ANAPC2: variants seen among roughly 807,000 people sequenced by gnomAD.
ANAPC2 encodes anaphase promoting complex subunit 2.
In ANAPC2, 29 loss-of-function variants were observed where a neutral mutation model predicts 84.3. The observed-to-expected ratio is 0.34, with a 90% CI of 0.26 to 0.47. The LOEUF (loss-of-function observed/expected upper bound fraction) is 0.47. Ranked by LOEUF, ANAPC2 falls within the 20% of genes least tolerant of loss-of-function variation. The pLI is 1.00. For missense variants in ANAPC2, 857 were observed against 1,131.7 expected, an observed-to-expected ratio of 0.76 and a Z score of 3.48; for synonymous variants, 571 against 479.4, an observed-to-expected ratio of 1.19 and a Z score of -2.50.
rs1242626513 is a variant in ANAPC2, at chr9:137,187,692, A to G, written c.529T>C (p.Tyr177His). 6.2e-7 allele frequency: 1 copy of G among 1,613,868 alleles called. No homozygotes were observed. Among genetic ancestry groups the G allele is most frequent in the Non-Finnish European group, 8.5e-7 (1 of 1,180,022 alleles). The change falls in exon 2 of 13, where the codon TAT becomes CAT. Residue 177 changes from tyrosine (Y) to histidine (H), a missense_variant. Coordinates refer to ENST00000323927, the MANE Select transcript of ANAPC2 (RefSeq NM_013366.4). The stretch of plus-strand genomic sequence containing the variant: ...ATATAGACTCTCAAGAAGCACCCAT[A>G]CAGACGCTGGATCATCTCTTGGAAG... ...RTFQEMIQRLYGCFLRVYMQS... is the reference protein window; with the variant it reads ...RTFQEMIQRLHGCFLRVYMQS...
chr9:137,175,376 C>G lies in ANAPC2; in HGVS notation c.2117G>C (p.Arg706Pro). 3 of 1,610,874 alleles carry G rather than the reference C, an allele frequency of 1.9e-6. No homozygotes were observed. Among genetic ancestry groups the G allele is most frequent in the Non-Finnish European group, 1.7e-6 (2 of 1,179,274 alleles). The part of the protein sequence containing the change: ...MSVWLQQGVL[R>P]EEPPGTFSVI... ...AGAGAAGGTGCCGGGGGGCTCCTCA[C>G]GCAGCACACCCTGCTGCAGCCACAC... The change falls in exon 12 of 13, where the codon CGT becomes CCT. Residue 706 changes from arginine (R) to proline (P), a missense_variant. By Grantham distance (103) the Arg-to-Pro change is moderately radical (BLOSUM62 -2). Around this residue, in one of 3 missense-constraint regions of ANAPC2, gnomAD observed 425 missense variants for 595.5 expected, o/e 0.71. Transcript: ENST00000323927.
At chr9:137,176,024 G>C (rs1402901731) in intron 10 of ANAPC2, 187 bp from the exon 11 acceptor site, 1 of 634,550 alleles carries the variant, frequency 1.6e-6, no homozygotes, top group Non-Finnish European at 2.5e-6. Flanking sequence ...CCATGGAAGG[G>C]CAATGGGGCC....
chr9:137,179,578 T>G (rs1834296405), intron 10 of ANAPC2, among the ~76,000 whole-genome samples: 1 of 152,144 alleles, frequency 6.6e-6, no homozygotes, highest in Non-Finnish European at 1.5e-5. Context: ...GCCAGTGACC[T>G]CCAGGCCAGG....
chr9:137,185,761 G>C (rs1369275538), intron 3 of ANAPC2, among the ~76,000 whole-genome samples: 1 of 152,182 alleles, frequency 6.6e-6, no homozygotes, highest in African/African-American at 2.4e-5. Flanking sequence ...CAGAGCCCCA[G>C]ACCACACCCC....
At chr9:137,180,729 G>T in intron 8 of ANAPC2, 59 bp downstream of exon 8, 1 of 1,588,908 alleles carries the variant, frequency 6.3e-7, no homozygotes, top group Non-Finnish European at 8.6e-7. Flanking sequence ...CCTGTCCCGA[G>T]AGAGGCTGGG....
rs973057418 is a variant in ANAPC2, at chr9:137,188,157, G to A, written c.118-54C>T. On this transcript the variant is annotated intron_variant, in intron 1 of 12. Coordinates refer to ENST00000323927, the MANE Select transcript of ANAPC2 (RefSeq NM_013366.4). ...GGAACACAACATAGAGGTGGGGAGA[G>A]GCGGGGAAGGGAAGAAGCTGAGGGG... 11 of 1,566,392 alleles carry A rather than the reference G, an allele frequency of 7.0e-6. No homozygotes were observed. The African/African-American group carries it at 1.1e-4, about 15-fold the overall frequency.
rs1834498592 is a variant in ANAPC2, at chr9:137,187,395, A to G, written c.740+86T>C. 4.0e-6 allele frequency: 6 copies of G among 1,508,118 alleles called. No homozygotes were observed. In the South Asian group the frequency reaches 6.4e-5, roughly 16 times the overall value. The allele number at this position is 1,508,118 out of a possible 1,614,324, so 93.4% of individuals were successfully genotyped here. On this transcript the variant is annotated intron_variant, in intron 2 of 12. Coordinates refer to ENST00000323927, the MANE Select transcript of ANAPC2 (RefSeq NM_013366.4). ...TTCCTGGTTATCAGGACGGCTCACC[A>G]GCTTTCTGCTGAGGCCAGCTGGACC... is the stretch of plus-strand genomic sequence containing the variant.
Position 137,174,987 on chromosome 9 carries a change from G to T in ANAPC2, c.2424C>A (p.Leu808=). ...YLQKKVRDQQ[L]VYSAGVYRLP... ...GGCGGTAGACGCCGGCCGAGTAGAC[G>T]AGCTGCTGGTCCCGCACCTTCTTCT... is the stretch of plus-strand genomic sequence containing the variant. Residue 808 remains leucine (L), a synonymous_variant, in exon 13 of 13, where the codon CTC becomes CTA. Transcript: ENST00000323927. This position sits in a 1 kb window ranked among gnomAD's most constrained non-coding sequence, Gnocchi z 6.1. The T allele has an allele frequency of 1.2e-6, 2 of 1,600,830 alleles. No homozygotes were observed. Among genetic ancestry groups the T allele is most frequent in the East Asian group, 2.3e-5 (1 of 44,366 alleles).
At chr9:137,180,127 G>T in intron 10 of ANAPC2, 54 bp downstream of exon 10, 3 of 1,568,424 alleles carry the variant, frequency 1.9e-6, no homozygotes, top group Admixed American at 3.5e-5. Context: ...TGGGAGCCCC[G>T]CAGTGCAGGG....
intron 10 of ANAPC2, chr9:137,176,074 C>T (rs1834203410): frequency 2.1e-6 from 1 of 465,438 alleles, no homozygotes. Flanking sequence ...ACAGGGGCCT[C>T]CTGACCCCCA....
intron 6 of ANAPC2, 44 bp from the exon 7 acceptor site, chr9:137,181,906 G>A (rs28369482): frequency 0.24 from 367,646 of 1,561,074 alleles, 46,222 homozygotes; most frequent in South Asian, 0.33. Context: ...TGGACACCCC[G>A]CGCGCACCTC....
rs942519650 is a variant in ANAPC2 at position 137,179,017 on chromosome 9, A to C, written c.1890+1164T>G. The stretch of plus-strand genomic sequence containing the variant: ...GAAAAAGGAAAACACATCTAGGTCC[A>C]GCCTCCTTCACAGCAGACCTGGAGA... On this transcript the variant is annotated intron_variant, in intron 10 of 12. Transcript: ENST00000323927. 7.2e-5 allele frequency among the ~76,000 whole-genome samples: 11 copies of C among 152,312 alleles called. No individual in the cohort carries two copies. The South Asian group carries it at 2.3e-3, about 32-fold the overall frequency.
intron 4 of ANAPC2, among the ~76,000 whole-genome samples, chr9:137,184,147 C>T (rs1170445416): frequency 6.6e-6 from 1 of 152,252 alleles, no homozygotes; most frequent in African/African-American, 2.4e-5. Context: ...GGTGCACCCC[C>T]CTGCAAGAGC....
At chr9:137,183,620 C>T in intron 5 of ANAPC2, 52 bp downstream of exon 5, 2 of 1,579,786 alleles carry the variant, frequency 1.3e-6, no homozygotes, top group Non-Finnish European at 1.7e-6. Context: ...ACATGGGTCC[C>T]CTGGTGAGTG....
Position 137,180,826 on chromosome 9 carries a change from G to A in ANAPC2, c.1572C>T (p.Ala524=), listed in dbSNP as rs749473946. 1.5e-5 allele frequency: 24 copies of A among 1,612,558 alleles called. 1 individual carries two copies. The East Asian group carries it at 2.0e-4, about 13-fold the overall frequency. ...AGCTGAACTGGTGCAGCAGGCGGTC[G>A]GCCAGCAGCGAGCGGTACTCATTGA... The part of the protein sequence containing the change: ...LFINEYRSLL[A]DRLLHQFSFS... The change falls in exon 8 of 13, where the codon GCC becomes GCT. Residue 524 remains alanine, a synonymous_variant. Coordinates refer to ENST00000323927, the MANE Select transcript of ANAPC2 (RefSeq NM_013366.4).
intron 10 of ANAPC2, 99 bp downstream of exon 10, chr9:137,180,082 G>A (rs933732756): frequency 2.5e-5 from 34 of 1,340,676 alleles, no homozygotes; most frequent in South Asian, 1.9e-4. Flanking sequence ...AGAGACACTC[G>A]GGTGACAACG....
intron 10 of ANAPC2, among the ~76,000 whole-genome samples, chr9:137,179,030 G>A (rs1362669586): frequency 6.6e-6 from 1 of 152,202 alleles, no homozygotes; most frequent in Non-Finnish European, 1.5e-5. Flanking sequence ...CTCCTTCACA[G>A]CAGACCTGGA....
At chr9:137,180,049 C>A in intron 10 of ANAPC2, 132 bp downstream of exon 10, 1 of 957,136 alleles carries the variant, frequency 1.0e-6, no homozygotes, top group Non-Finnish European at 1.5e-6. Flanking sequence ...CCTGCAGAGG[C>A]GGCTGCGAGA....
At chr9:137,186,615 C>T (rs1834475445) in intron 2 of ANAPC2, 2 of 497,440 alleles carry the variant, frequency 4.0e-6, no homozygotes, top group Non-Finnish European at 7.1e-6. Flanking sequence ...GGGACACTGG[C>T]CTTCCCCATG....
Sources: allele counts gnomAD v4.1 joint callset (sites outside exome capture counted in the v4.1 genomes callset), GRCh38; gene constraint gnomAD v4.1.1; regional missense constraint gnomAD v4.1.1; non-coding constraint Gnocchi (gnomAD v3.1); transcripts MANE v1.5; gene names NCBI Gene and HGNC (gene_info 2026-07-23, HGNC 2026-07-21).